Variants in NECAB3 observed in about 807,000 individuals in gnomAD.
NECAB3 encodes the protein N-terminal EF-hand calcium binding protein 3.
A neutral mutation model predicts 57.2 loss-of-function variants in NECAB3; 38 were observed. The observed-to-expected ratio is 0.66, with a 90% CI of 0.51 to 0.87. NECAB3 has a LOEUF of 0.87. NECAB3 is among the 40% of genes least tolerant of loss of function. NECAB3 has a pLI of 0.00. For synonymous variants in NECAB3, 223 were observed against 222.6 expected, an observed-to-expected ratio of 1.00 and a Z score of -0.02; for missense variants, 474 against 527.5, an observed-to-expected ratio of 0.90 and a Z score of 0.99.
intron 5 of NECAB3, chr20:33,667,035 G>A (rs1380278645): frequency 1.9e-5 from 3 of 160,294 alleles, no homozygotes; most frequent in Non-Finnish European, 4.1e-5. Context: ...GAAGCCGAGT[G>A]GCGCGGAGGA....
chr20:33,669,564 G>A (rs1313264871), intron 4 of NECAB3, 92 bp from the exon 5 acceptor site: 1 of 1,547,882 alleles, frequency 6.5e-7, no homozygotes, highest in Non-Finnish European at 8.8e-7. Flanking sequence ...CAGCAGCCAA[G>A]CAGGCCTTAT....
At chr20:33,670,892 GAC>G in intron 2 of NECAB3, 100 bp from the exon 3 acceptor site, 1 of 768,198 alleles carries the variant, frequency 1.3e-6, no homozygotes, top group Non-Finnish European at 2.2e-6. Context: ...CATAGCATCT[GAC>G]AACCATCTAG....
intron 5 of NECAB3, chr20:33,662,414 C>T (rs1286486680): frequency 6.4e-7 from 1 of 1,551,712 alleles, no homozygotes; most frequent in Non-Finnish European, 8.7e-7. Flanking sequence ...GGCCGGCTGA[C>T]ATGGACAAGG....
In NECAB3 at chr20:33,660,627, T is replaced by C. The variant is rs542595631; in HGVS notation, c.388-232A>G. 6.4e-4 allele frequency among the ~76,000 whole-genome samples: 97 copies of C among 152,282 alleles called. No individual in the cohort carries two copies. Among genetic ancestry groups the C allele is most frequent in the Non-Finnish European group, 1.2e-3 (80 of 68,022 alleles). ...GTGTGAGGCCAACTCACAGGGGGCATCTGCCCAGCGAAGTGCCTGGCCTCT... is the reference window on the plus strand; with the variant it reads ...GTGTGAGGCCAACTCACAGGGGGCACCTGCCCAGCGAAGTGCCTGGCCTCT... On this transcript the variant is annotated intron_variant, in intron 5 of 11. Transcript: ENST00000246190. This position sits in a 1 kb window ranked among gnomAD's most constrained non-coding sequence, Gnocchi z 4.1.
At position 33,657,755 on chromosome 20, in the gene NECAB3, T is replaced by G; in HGVS notation, c.*74A>C. ...AGGAGACAAGTCCTGGTCTTTGCGCTGGGCTGGCCAGTCCAGAAGGCTCCA... is the reference window on the plus strand; with the variant it reads ...AGGAGACAAGTCCTGGTCTTTGCGCGGGGCTGGCCAGTCCAGAAGGCTCCA... On this transcript the variant is annotated 3_prime_UTR_variant, in exon 12 of 12. Coordinates refer to ENST00000246190, the MANE Select transcript of NECAB3 (RefSeq NM_031232.4). 1 of 1,433,470 alleles carries G rather than the reference T, an allele frequency of 7.0e-7. No individual in the cohort carries two copies. The highest frequency in any genetic ancestry group is 9.3e-7 in the Non-Finnish European group (1 of 1,080,918). 88.8% of individuals were successfully genotyped at this position (1,433,470 alleles called of 1,614,324 possible). A position where few individuals can be genotyped will look rare whatever the true frequency, so the allele number is the denominator to read the frequency against.
chr20:33,663,996 G>C lies in NECAB3; in HGVS notation c.388-3601C>G, dbSNP rs2017579403. 3.8e-6 allele frequency: 3 copies of C among 780,390 alleles called. No individual in the cohort carries two copies. The African/African-American group carries it at 5.6e-5, about 14-fold the overall frequency. The allele number at this position is 780,390 out of a possible 1,614,324, so 48.3% of individuals were successfully genotyped here. A position where few individuals can be genotyped will look rare whatever the true frequency, so the allele number is the denominator to read the frequency against. On this transcript the variant is annotated intron_variant, in intron 5 of 11. Transcript: ENST00000246190. ...GCCTAGGAGCCGCAGAGGGGTGAAC[G>C]GGGCGTGATGAAGGCAGAGCCATCG... is the stretch of plus-strand genomic sequence containing the variant.
rs1457111961 is a variant in NECAB3 at position 33,657,670 on chromosome 20, G to A, written c.*159C>T. On this transcript the variant is annotated 3_prime_UTR_variant, in exon 12 of 12. Coordinates refer to ENST00000246190, the MANE Select transcript of NECAB3 (RefSeq NM_031232.4). Reference sequence around the variant, plus strand: ...TAAATAAATCAATAATAAATAGAAAGCAAGCAGCCCAGTCCCTGATCCCTG... The same window carrying A: ...TAAATAAATCAATAATAAATAGAAAACAAGCAGCCCAGTCCCTGATCCCTG... 4.7e-6 allele frequency: 3 copies of A among 637,816 alleles called. No homozygotes were observed. Among genetic ancestry groups the A allele is most frequent in the African/African-American group, 1.9e-5 (1 of 54,020 alleles). The allele number at this position is 637,816 out of a possible 1,614,324, so 39.5% of individuals were successfully genotyped here.
At chr20:33,674,108 G>T in intron 1 of NECAB3, 116 bp downstream of exon 1, 2 of 1,079,822 alleles carry the variant, frequency 1.9e-6, no homozygotes, top group Middle Eastern at 2.3e-4. Flanking sequence ...AAACAGCAGG[G>T]CCAGAGAGAG....
At chr20:33,668,829 A>AT in intron 5 of NECAB3, among the ~76,000 whole-genome samples, 1 of 152,306 alleles carries the variant, frequency 6.6e-6, no homozygotes, top group Admixed American at 6.5e-5. Context: ...AGGGCAGCTT[A>AT]TTTTTTGGAA....
chr20:33,658,584 G>A (rs2017356789), intron 9 of NECAB3, 30 bp from the exon 10 acceptor site: 4 of 1,612,622 alleles, frequency 2.5e-6, no homozygotes, highest in Non-Finnish European at 3.4e-6. Flanking sequence ...GGCAGGCCAG[G>A]CCAGGGCTGC....
At chr20:33,671,548 G>A (rs1168022649) in intron 2 of NECAB3, among the ~76,000 whole-genome samples, 1 of 152,064 alleles carries the variant, frequency 6.6e-6, no homozygotes, top group East Asian at 1.9e-4. Flanking sequence ...ACAGGACCCC[G>A]TCTCTAGGAG....
chr20:33,658,966 G>T, intron 8 of NECAB3, 132 bp from the exon 9 acceptor site: 1 of 661,922 alleles, frequency 1.5e-6, no homozygotes, highest in Non-Finnish European at 2.7e-6. Context: ...TCTCACCCAG[G>T]CTGGAGTGCA....
chr20:33,668,326 A>G, intron 5 of NECAB3: 5 of 1,504,078 alleles, frequency 3.3e-6, no homozygotes, highest in Non-Finnish European at 4.4e-6. Flanking sequence ...GTCCTCCTGG[A>G]GGTTGGAGCT....
chr20:33,662,415 A>ATGGACAAGGCC, intron 5 of NECAB3: 1 of 1,551,736 alleles, frequency 6.4e-7, no homozygotes, highest in South Asian at 1.2e-5. Context: ...GCCGGCTGAC[A>ATGGACAAGGCC]TGGACAAGGC....
At chr20:33,668,251 G>T in intron 5 of NECAB3, 1 of 1,562,358 alleles carries the variant, frequency 6.4e-7, no homozygotes, top group Non-Finnish European at 8.7e-7. Flanking sequence ...GCTGGACTGG[G>T]GGGGGTGGCA....
chr20:33,662,016 G>C (rs999871120), intron 5 of NECAB3: 6 of 222,036 alleles, frequency 2.7e-5, no homozygotes, highest in Admixed American at 1.7e-4. Context: ...GAGAAAACAG[G>C]TCCAGAGAGG....
chr20:33,661,253 C>T (rs543412305), intron 5 of NECAB3, among the ~76,000 whole-genome samples: 267 of 152,338 alleles, frequency 1.8e-3, no homozygotes, highest in South Asian at 2.7e-3. Context: ...CCCACTTGTA[C>T]ACCCAGGAGT....
At chr20:33,674,120 G>T in intron 1 of NECAB3, 104 bp downstream of exon 1, 1 of 1,145,268 alleles carries the variant, frequency 8.7e-7, no homozygotes, top group Middle Eastern at 2.2e-4. Flanking sequence ...CAGAGAGAGG[G>T]GAAGAGACCC....
rs1337763343 is a variant in NECAB3 at position 33,659,976 on chromosome 20, C to T, written c.552G>A (p.Gln184=). ...WRSDAESVEA[Q]SRLCGSRRAG... is the part of the protein sequence containing the mutation. ...CCCGCCGGCTGCCGCAGAGCCTGCTCTGCGCCTCCACGCTCTCTGCATCTG... is the reference window on the plus strand; with the variant it reads ...CCCGCCGGCTGCCGCAGAGCCTGCTTTGCGCCTCCACGCTCTCTGCATCTG... The change falls in exon 7 of 12, where the codon CAG becomes CAA. Residue 184 remains glutamine (Q), a synonymous_variant. Coordinates refer to ENST00000246190, the MANE Select transcript of NECAB3 (RefSeq NM_031232.4). The T allele has an allele frequency of 1.3e-6, 2 of 1,567,312 alleles. No individual in the cohort carries two copies. Among genetic ancestry groups the T allele is most frequent in the Non-Finnish European group, 8.6e-7 (1 of 1,158,900 alleles).
Sources: allele counts gnomAD v4.1 joint callset (sites outside exome capture counted in the v4.1 genomes callset), GRCh38; gene constraint gnomAD v4.1.1; non-coding constraint Gnocchi (gnomAD v3.1); transcripts MANE v1.5; gene names NCBI Gene and HGNC (gene_info 2026-07-23, HGNC 2026-07-21).